The following SLC39A12 variants were observed in gnomAD, a reference collection of about 807,000 sequenced individuals.
SLC39A12 encodes zinc transporter ZIP12.
Under a neutral mutation model 71.1 loss-of-function variants are expected in SLC39A12, and 63 were observed. The observed-to-expected ratio is 0.89, with a 90% CI of 0.72 to 1.09. SLC39A12 has a LOEUF of 1.09. Ranked by LOEUF, SLC39A12 falls within the 50% of genes least tolerant of loss-of-function variation. The probability of loss-of-function intolerance (pLI) is 0.00; values close to 1 mark genes in which losing one functional copy is unlikely to be tolerated. For missense variants in SLC39A12, 892 were observed against 812.6 expected (o/e 1.10, Z -1.19); for synonymous variants, 351 against 301.3 (o/e 1.16, Z -1.71).
In SLC39A12 at chr10:17,953,525, A is replaced by G; in HGVS notation, c.249A>G (p.Gly83=). ...GCPRRRNGMQ[G]DCNLCFEPDA... ...CACGGAGGAGAAACGGAATGCAAGG[A>G]GATTGCAATCTGGTTAGTGAAATAG... Residue 83 remains glycine, a synonymous_variant, in exon 2 of 13, where the codon GGA becomes GGG. Coordinates refer to ENST00000377369, the MANE Select transcript of SLC39A12 (RefSeq NM_001145195.2). The G allele has an allele frequency of 6.2e-7, 1 of 1,614,166 alleles. No individual in the cohort carries two copies. Among genetic ancestry groups the G allele is most frequent in the South Asian group, 1.1e-5 (1 of 91,074 alleles).
chr10:17,997,606 G>A (rs1835724097), intron 10 of SLC39A12, among the ~76,000 whole-genome samples: 1 of 152,020 alleles, frequency 6.6e-6, no homozygotes. Flanking sequence ...CATTTTATAG[G>A]CCTCTTACCT....
At chr10:17,979,263 G>A (rs1835193708) in intron 5 of SLC39A12, among the ~76,000 whole-genome samples, 1 of 152,176 alleles carries the variant, frequency 6.6e-6, no homozygotes, top group Non-Finnish European at 1.5e-5. Flanking sequence ...AGTGATTTCA[G>A]AAGAAATTTA....
In SLC39A12 at chr10:17,976,241, A is replaced by G. The variant is rs1018025784; in HGVS notation, c.752-1661A>G. On this transcript the variant is annotated intron_variant, in intron 4 of 12. Transcript: ENST00000377369. ...GATTGGTGGAGGCTTCTATTCTGCC[A>G]TCTTACTCTGCCTCCTCCAGTTTTT... Among the ~76,000 whole-genome samples, 6 of 152,142 alleles carry G rather than the reference A, an allele frequency of 3.9e-5. No homozygotes were observed. In the East Asian group the frequency reaches 9.6e-4, roughly 24 times the overall value.
At chr10:18,036,765 TATATATATATATATATATA>T (rs1312803710) in intron 12 of SLC39A12, among the ~76,000 whole-genome samples, 391 of 15,406 alleles carry the variant, frequency 0.025, 21 homozygotes, top group African/African-American at 0.046. Flanking sequence ...TATATATATA[TATATATATATATATATATA>T]TATATATATA....
At chr10:18,006,082 A>T (rs1836008788) in intron 12 of SLC39A12, among the ~76,000 whole-genome samples, 1 of 152,246 alleles carries the variant, frequency 6.6e-6, no homozygotes, top group Non-Finnish European at 1.5e-5. Context: ...GCAGCAACTA[A>T]GGGGTAAAGG....
rs774861383 is a variant in SLC39A12, at chr10:18,003,180, C to T, written c.1769C>T (p.Ala590Val). 6.2e-7 allele frequency: 1 copy of T among 1,612,318 alleles called. No homozygotes were observed. The highest frequency in any genetic ancestry group is 8.5e-7 in the Non-Finnish European group (1 of 1,179,534). The part of the protein sequence containing the change: ...HEIPHEMGDF[A>V]VLLSSGLSMK... Reference sequence around the variant, plus strand: ...TCCTCTTAAACTTCAGGAGACTTTGCCGTGCTCTTAAGCTCTGGACTTTCT... The same window carrying T: ...TCCTCTTAAACTTCAGGAGACTTTGTCGTGCTCTTAAGCTCTGGACTTTCT... The change falls in exon 12 of 13, where the codon GCC becomes GTC. Residue 590 changes from alanine (A) to valine (V), a missense_variant. Coordinates refer to ENST00000377369, the MANE Select transcript of SLC39A12 (RefSeq NM_001145195.2).
intron 2 of SLC39A12, among the ~76,000 whole-genome samples, chr10:17,961,096 C>T (rs1554848334): frequency 1.3e-5 from 2 of 151,934 alleles, no homozygotes; most frequent in African/African-American, 4.8e-5. Context: ...AGGCTGAAAC[C>T]TGAAAAATGA....
intron 12 of SLC39A12, among the ~76,000 whole-genome samples, chr10:18,020,196 C>A (rs2488116): frequency 0.48 from 72,458 of 151,742 alleles, 17,589 homozygotes; most frequent in Non-Finnish European, 0.52. Flanking sequence ...TTTATTTCCC[C>A]CTTATAAGTG....
chr10:17,959,992 G>A (rs1206906013), intron 2 of SLC39A12, among the ~76,000 whole-genome samples: 2 of 152,244 alleles, frequency 1.3e-5, no homozygotes, highest in African/African-American at 2.4e-5. Flanking sequence ...TGGAATAGGG[G>A]CATCATAGAA....
intron 2 of SLC39A12, among the ~76,000 whole-genome samples, chr10:17,960,856 T>A (rs929334310): frequency 3.9e-5 from 6 of 152,234 alleles, no homozygotes; most frequent in East Asian, 1.9e-4. Flanking sequence ...TCTTAATTTT[T>A]AAAAATTTTG....
At chr10:17,997,735 C>T (rs1024641773) in intron 10 of SLC39A12, among the ~76,000 whole-genome samples, 3 of 152,166 alleles carry the variant, frequency 2.0e-5, no homozygotes, top group African/African-American at 7.2e-5. Flanking sequence ...TATTTGATGA[C>T]TTGTTTTGTA....
chr10:17,992,595 C>T (rs1835582389), intron 8 of SLC39A12, among the ~76,000 whole-genome samples: 1 of 152,114 alleles, frequency 6.6e-6, no homozygotes. Flanking sequence ...AATGGATTAA[C>T]ATTTCTGGGT....
intron 12 of SLC39A12, among the ~76,000 whole-genome samples, chr10:18,019,543 A>G (rs1039439200): frequency 6.6e-6 from 1 of 152,020 alleles, no homozygotes; most frequent in Non-Finnish European, 1.5e-5. Flanking sequence ...CTGAAATTCA[A>G]TGCTCTGAAT....
intron 4 of SLC39A12, among the ~76,000 whole-genome samples, chr10:17,971,997 T>C (rs1834987288): frequency 6.6e-6 from 1 of 152,214 alleles, no homozygotes. Context: ...AGCACCACTT[T>C]TGTTGTTTCT....
intron 12 of SLC39A12, chr10:18,009,620 G>A (rs1486925696): frequency 5.3e-5 from 8 of 152,372 alleles, no homozygotes; most frequent in African/African-American, 1.9e-4. Context: ...AGGGGATTGG[G>A]GGGAGCAGGA....
intron 12 of SLC39A12, among the ~76,000 whole-genome samples, chr10:18,022,695 A>G (rs941703356): frequency 2.0e-5 from 3 of 152,134 alleles, no homozygotes; most frequent in African/African-American, 4.8e-5. Flanking sequence ...GTTTGAATGT[A>G]TGGAGACACT....
At chr10:18,019,660 A>G (rs2130873283) in intron 12 of SLC39A12, among the ~76,000 whole-genome samples, 1 of 151,464 alleles carries the variant, frequency 6.6e-6, no homozygotes, top group Non-Finnish European at 1.5e-5. Flanking sequence ...TTCTTTCTTA[A>G]CTCATGTGTT....
chr10:17,952,011 A>C lies in SLC39A12; in HGVS notation c.-101A>C, dbSNP rs1381998915. On this transcript the variant is annotated 5_prime_UTR_variant, in exon 1 of 13. Coordinates refer to ENST00000377369, the MANE Select transcript of SLC39A12 (RefSeq NM_001145195.2). ...TGGAGCTCCAGATAAAGAATCGTTT[A>C]TCTTTCTTCTGAAGGTAAGCACTGG... The C allele has an allele frequency of 6.6e-6, 1 of 152,198 alleles. No individual in the cohort carries two copies. Among genetic ancestry groups the C allele is most frequent in the Non-Finnish European group, 1.5e-5 (1 of 68,022 alleles). 9.4% of individuals were successfully genotyped at this position (152,198 alleles called of 1,614,324 possible).
chr10:17,991,316 G>A lies in SLC39A12; in HGVS notation c.1422+13G>A, dbSNP rs768852869. The A allele has an allele frequency of 6.4e-7, 1 of 1,558,332 alleles. No individual in the cohort carries two copies. The highest frequency in any genetic ancestry group is 8.6e-7 in the Non-Finnish European group (1 of 1,158,192). On this transcript the variant is annotated intron_variant, in intron 8 of 12. Transcript: ENST00000377369. ...ACCAAATGACAAGGTATATTTTTAA[G>A]TTTTATTTGTCTTGTGCTTTAAAGT...
Sources: gnomAD v4.1 joint callset for allele counts (sites outside exome capture counted in the v4.1 genomes callset) on GRCh38, gnomAD v4.1.1 for gene constraint, MANE v1.5 for transcripts, NCBI Gene and HGNC (gene_info 2026-07-23, HGNC 2026-07-21) for gene names.